VEGFC: variants seen among roughly 807,000 people sequenced by gnomAD.
VEGFC encodes the protein vascular endothelial growth factor C, also known as FLT4 ligand DHM.
In VEGFC, 12 loss-of-function variants were observed where a neutral mutation model predicts 46.1. The observed-to-expected ratio is 0.26, with a 90% CI of 0.17 to 0.42. The LOEUF (loss-of-function observed/expected upper bound fraction) is 0.42, where lower values mean the gene tolerates loss of function less well. Ranked by LOEUF, VEGFC falls within the 10% of genes least tolerant of loss-of-function variation. The pLI is 1.00. For missense variants in VEGFC, 488 were observed against 529.4 expected, an observed-to-expected ratio of 0.92 and a Z score of 0.77; for synonymous variants, 232 against 195.5, an observed-to-expected ratio of 1.19 and a Z score of -1.56.
intron 1 of VEGFC, among the ~76,000 whole-genome samples, chr4:176,756,950 G>T (rs766153636): frequency 6.6e-6 from 1 of 151,918 alleles, no homozygotes; most frequent in Non-Finnish European, 1.5e-5. Flanking sequence ...AGGCAACTAG[G>T]TAAAATGAAA....
chr4:176,695,373 A>C (rs1332338398), intron 4 of VEGFC, among the ~76,000 whole-genome samples: 1 of 151,904 alleles, frequency 6.6e-6, no homozygotes, highest in Non-Finnish European at 1.5e-5. Context: ...AAACTAGAAA[A>C]TCTAGAAGAA....
At chr4:176,788,840 A>C (rs1479001822) in intron 1 of VEGFC, among the ~76,000 whole-genome samples, 1 of 152,198 alleles carries the variant, frequency 6.6e-6, no homozygotes, top group Non-Finnish European at 1.5e-5. Context: ...AAAGGAAAAA[A>C]ACATCTATTC....
intron 1 of VEGFC, among the ~76,000 whole-genome samples, chr4:176,746,755 A>C (rs1189212227): frequency 6.6e-6 from 1 of 152,228 alleles, no homozygotes; most frequent in East Asian, 1.9e-4. Context: ...GCCATATTAA[A>C]TTCACAATAG....
At chr4:176,763,561 C>G (rs772833114) in intron 1 of VEGFC, among the ~76,000 whole-genome samples, 2 of 151,990 alleles carry the variant, frequency 1.3e-5, no homozygotes, top group African/African-American at 4.8e-5. Flanking sequence ...ACTTGAGTAG[C>G]GGTACACTGG....
In VEGFC at chr4:176,687,380, C is replaced by A. The variant is rs202208990; in HGVS notation, c.952G>T (p.Val318Phe). Residue 318 changes from valine to phenylalanine, a missense_variant, in exon 6 of 7, where the codon GTC becomes TTC. Val to Phe is a conservative substitution (Grantham distance 50). Coordinates refer to ENST00000618562, the MANE Select transcript of VEGFC (RefSeq NM_005429.5). ...KELDRNSCQC[V>F]CKNKLFPSQC... is the part of the protein sequence containing the mutation. ...CTGGGGAAGAGTTTGTTTTTACAGA[C>A]ACACTGGCATGAGTTTCTGTCTAGT... is the stretch of plus-strand genomic sequence containing the variant. 3.0e-5 allele frequency: 49 copies of A among 1,614,174 alleles called. No homozygotes were observed. The African/African-American group carries it at 5.3e-4, about 18-fold the overall frequency.
At chr4:176,764,705 C>T (rs185872073) in intron 1 of VEGFC, among the ~76,000 whole-genome samples, 69 of 152,238 alleles carry the variant, frequency 4.5e-4, no homozygotes, top group East Asian at 1.9e-3. Context: ...AAGCTTCTAG[C>T]CATGTCATAT....
chr4:176,775,503 T>G (rs1377033669), intron 1 of VEGFC, among the ~76,000 whole-genome samples: 1 of 152,196 alleles, frequency 6.6e-6, no homozygotes, highest in Non-Finnish European at 1.5e-5. Context: ...AACATTCCAT[T>G]GACTTTTGTA....
intron 1 of VEGFC, among the ~76,000 whole-genome samples, chr4:176,739,476 G>A (rs1418628191): frequency 6.6e-6 from 1 of 151,930 alleles, no homozygotes; most frequent in Admixed American, 6.6e-5. Flanking sequence ...ATCATCCTGA[G>A]CAAACTAATG....
At chr4:176,788,343 A>G (rs1208639859) in intron 1 of VEGFC, among the ~76,000 whole-genome samples, 1 of 152,206 alleles carries the variant, frequency 6.6e-6, no homozygotes, top group Non-Finnish European at 1.5e-5. Flanking sequence ...GACCTAAATA[A>G]ATGCAACAAG....
chr4:176,704,924 T>C (rs1734500356), intron 4 of VEGFC, among the ~76,000 whole-genome samples: 1 of 152,026 alleles, frequency 6.6e-6, no homozygotes, highest in Non-Finnish European at 1.5e-5. Flanking sequence ...GGTTCAAGAA[T>C]GGAATTTCTT....
chr4:176,732,868 C>T (rs1299520554), intron 1 of VEGFC, among the ~76,000 whole-genome samples: 1 of 151,620 alleles, frequency 6.6e-6, no homozygotes, highest in East Asian at 1.9e-4. Flanking sequence ...TTCCATAAAA[C>T]ACACAAATGA....
intron 1 of VEGFC, among the ~76,000 whole-genome samples, chr4:176,746,470 C>A (rs1735259494): frequency 6.6e-6 from 1 of 152,066 alleles, no homozygotes; most frequent in African/African-American, 2.4e-5. Context: ...TCTGCACTAT[C>A]ATTGCATTAA....
intron 4 of VEGFC, among the ~76,000 whole-genome samples, chr4:176,694,042 C>T (rs956507023): frequency 6.6e-6 from 1 of 151,232 alleles, no homozygotes; most frequent in Non-Finnish European, 1.5e-5. Context: ...AATGTAAAGA[C>T]CATCGAGACT....
At chr4:176,703,799 C>T (rs1230885511) in intron 4 of VEGFC, among the ~76,000 whole-genome samples, 1 of 152,056 alleles carries the variant, frequency 6.6e-6, no homozygotes, top group African/African-American at 2.4e-5. Context: ...AGCCACACCT[C>T]AAAAGAAATG....
At chr4:176,773,625 G>T (rs1449027473) in intron 1 of VEGFC, among the ~76,000 whole-genome samples, 1 of 152,108 alleles carries the variant, frequency 6.6e-6, no homozygotes, top group Non-Finnish European at 1.5e-5. Context: ...TAGTAGAGAG[G>T]TTAAATAAAG....
intron 1 of VEGFC, among the ~76,000 whole-genome samples, chr4:176,752,676 C>A (rs1735360806): frequency 1.3e-5 from 2 of 152,034 alleles, no homozygotes; most frequent in Admixed American, 1.3e-4. Context: ...AGTTATATCA[C>A]ACAAAACTAA....
At position 176,745,237 on chromosome 4, in the gene VEGFC, T is replaced by C. The variant is rs149789425; in HGVS notation, c.148-15491A>G. On this transcript the variant is annotated intron_variant, in intron 1 of 6. Transcript: ENST00000618562. ...GCCTGAATATCTACTGGTGCTACCA[T>C]CACTATATCAATGATTATAAAACTT... Among the ~76,000 whole-genome samples the C allele has an allele frequency of 1.1e-3, 167 of 152,228 alleles. 1 individual carries two copies. The highest frequency in any genetic ancestry group is 3.8e-3 in the African/African-American group (158 of 41,572).
chr4:176,792,252 C>A lies in VEGFC; in HGVS notation c.60G>T (p.Pro20=). The A allele has an allele frequency of 6.4e-7, 1 of 1,554,292 alleles. No individual in the cohort carries two copies. The highest frequency in any genetic ancestry group is 8.7e-7 in the Non-Finnish European group (1 of 1,152,834). The change falls in exon 1 of 7, where the codon CCG becomes CCT. Residue 20 remains proline (P), a synonymous_variant. Coordinates refer to ENST00000618562, the MANE Select transcript of VEGFC (RefSeq NM_005429.5). The surrounding 1 kb of genome is among the most constrained non-coding windows in gnomAD (Gnocchi z 6.3). ...CGGCGGCGGGCGCCTCGCGAGGACC[C>A]GGGAGCAGCGCAGCGGCGAGCAGAG... The part of the protein sequence containing the change: ...ACSLLAAALL[P]GPREAPAAAA...
intron 1 of VEGFC, among the ~76,000 whole-genome samples, chr4:176,740,554 T>C (rs1036910583): frequency 2.2e-5 from 3 of 137,068 alleles, no homozygotes; most frequent in African/African-American, 8.9e-5. Flanking sequence ...CATATGTAAC[T>C]ATATATTCTA....
Sources: gnomAD v4.1 joint callset for allele counts (sites outside exome capture counted in the v4.1 genomes callset) on GRCh38, gnomAD v4.1.1 for gene constraint, Gnocchi (gnomAD v3.1) non-coding constraint, MANE v1.5 for transcripts, NCBI Gene and HGNC (gene_info 2026-07-23, HGNC 2026-07-21) for gene names.